Variants in SPATC1 observed in about 807,000 individuals in gnomAD.
SPATC1 encodes the protein speriolin.
In SPATC1, 35 loss-of-function variants were observed where a neutral mutation model predicts 36.5. The observed-to-expected ratio is 0.96, with a 90% confidence interval of 0.73 to 1.27. The LOEUF (loss-of-function observed/expected upper bound fraction) is 1.27, where lower values mean the gene tolerates loss of function less well. Among genes scored for constraint, SPATC1 ranks in the 50% most tolerant of loss-of-function variants. The pLI is 0.00. For synonymous variants in SPATC1, 361 were observed against 353.6 expected, an observed-to-expected ratio of 1.02 and a Z score of -0.24; for missense variants, 779 against 796.0, an observed-to-expected ratio of 0.98 and a Z score of 0.26.
intron 1 of SPATC1, among the ~76,000 whole-genome samples, chr8:144,033,787 A>G: frequency 6.6e-6 from 1 of 152,144 alleles, no homozygotes; most frequent in East Asian, 1.9e-4. Flanking sequence ...GTTTTATGCT[A>G]ACATTGGCTT....
At position 144,012,716 on chromosome 8, in the gene SPATC1, C is replaced by G; in HGVS notation, c.201C>G (p.Arg67=). ...AGGCAACAGCAGGCCTTTCCTCACG[C>G]CAGAACAATGGTAAGAGGCCTCGCT... ...LGEATAGLSS[R]QNNGVFLPPS... Residue 67 remains arginine (R), a synonymous_variant, in exon 1 of 5, where the codon CGC becomes CGG. Transcript: ENST00000377470. The G allele has an allele frequency of 6.4e-7, 1 of 1,551,646 alleles. No homozygotes were observed. Among genetic ancestry groups the G allele is most frequent in the Non-Finnish European group, 8.7e-7 (1 of 1,146,974 alleles).
chr8:144,013,699 T>TA (rs1453165544), intron 1 of SPATC1, among the ~76,000 whole-genome samples: 1 of 152,170 alleles, frequency 6.6e-6, no homozygotes, highest in African/African-American at 2.4e-5. Flanking sequence ...CTCACACCTA[T>TA]AATCCCAGCA....
At chr8:144,037,643 T>G (rs1834939244) in intron 1 of SPATC1, among the ~76,000 whole-genome samples, 1 of 151,772 alleles carries the variant, frequency 6.6e-6, no homozygotes, top group African/African-American at 2.4e-5. Context: ...CTCCCTAATC[T>G]CAAGTACCCA....
intron 1 of SPATC1, among the ~76,000 whole-genome samples, chr8:144,017,865 G>A (rs987434568): frequency 3.3e-5 from 5 of 152,182 alleles, no homozygotes; most frequent in Admixed American, 3.3e-4. Flanking sequence ...AAGAAAATGA[G>A]TTGTATTTTG....
rs938450449 is a variant in SPATC1 at position 144,012,668 on chromosome 8, C to A, written c.153C>A (p.Ser51Arg). 26 of 1,551,718 alleles carry A rather than the reference C, an allele frequency of 1.7e-5. No homozygotes were observed. The highest frequency in any genetic ancestry group is 2.3e-5 in the Non-Finnish European group (26 of 1,146,990). ...CTCAGGCAGGCGGGCTCGGCATCAG[C>A]GGGTTCACGAGTGGGCTTGGTGAGG... ...IKTQAGGLGI[S>R]GFTSGLGEAT... Residue 51 changes from serine (S) to arginine (R), a missense_variant, in exon 1 of 5, where the codon AGC (serine) becomes AGA (arginine). By Grantham distance (110) the Ser-to-Arg change is moderately radical. Coordinates refer to ENST00000377470, the MANE Select transcript of SPATC1 (RefSeq NM_198572.3).
rs916160710 is a variant in SPATC1, at chr8:144,046,336, C to G, written c.1447-291C>G. On this transcript the variant is annotated intron_variant, in intron 4 of 4. Transcript: ENST00000377470. The surrounding 1 kb of genome is among the most constrained non-coding windows in gnomAD (Gnocchi z 6.6). ...AGCCCAGTTGCACTCCCTGGTGGTGCGTGGAGCAGACGACAGGGTTGGGGC... is the reference window on the plus strand; with the variant it reads ...AGCCCAGTTGCACTCCCTGGTGGTGGGTGGAGCAGACGACAGGGTTGGGGC... Among the ~76,000 whole-genome samples, 2 of 152,108 alleles carry G rather than the reference C, an allele frequency of 1.3e-5. No individual in the cohort carries two copies. Among genetic ancestry groups the G allele is most frequent in the South Asian group, 4.1e-4 (2 of 4,824 alleles).
intron 1 of SPATC1, among the ~76,000 whole-genome samples, chr8:144,023,193 A>C (rs1834583832): frequency 9.9e-6 from 1 of 101,156 alleles, no homozygotes; most frequent in Non-Finnish European, 2.1e-5. Flanking sequence ...CTCAGGACCT[A>C]CCCTCTCCCC....
chr8:144,015,206 A>ATT (rs202062443), intron 1 of SPATC1, among the ~76,000 whole-genome samples: 6,167 of 141,388 alleles, frequency 0.044, 141 homozygotes, highest in African/African-American at 0.056. Context: ...CTCCTGGCTA[A>ATT]TTTTTTTTTT....
intron 1 of SPATC1, among the ~76,000 whole-genome samples, chr8:144,033,154 G>C (rs1834831720): frequency 6.6e-6 from 1 of 151,988 alleles, no homozygotes; most frequent in Non-Finnish European, 1.5e-5. Flanking sequence ...CCAGCACTTT[G>C]AGAGACCGTG....
rs1266924470 is a variant in SPATC1, at chr8:144,040,859, GC to G, written c.1059del (p.Ser353ArgfsTer63). 1 of 1,558,590 alleles carries G rather than the reference GC, an allele frequency of 6.4e-7. No homozygotes were observed. The highest frequency in any genetic ancestry group is 8.7e-7 in the Non-Finnish European group (1 of 1,153,794). ...GTTGCCACCAGCTACACACCCTCAAGCACCACCCACATCGCCCAGGGTGCCC... is the reference window on the plus strand; with the variant it reads ...GTTGCCACCAGCTACACACCCTCAAGACCACCCACATCGCCCAGGGTGCCC... Reference protein sequence around the residue: ...PQVATSYTPSSTTHIAQGAPH... With the variant: ...PQVATSYTPSXTTHIAQGAPH... On this transcript the variant is annotated frameshift_variant, in exon 3 of 5. Coordinates refer to ENST00000377470, the MANE Select transcript of SPATC1 (RefSeq NM_198572.3). LOFTEE classifies it high-confidence loss of function.
intron 1 of SPATC1, among the ~76,000 whole-genome samples, chr8:144,028,189 A>G (rs1319785954): frequency 6.6e-6 from 1 of 152,174 alleles, no homozygotes; most frequent in Non-Finnish European, 1.5e-5. Context: ...TTGCAACAAA[A>G]GCAAAAATTG....
Position 144,045,107 on chromosome 8 carries a change from C to T in SPATC1, c.1447-1520C>T, listed in dbSNP as rs782407011. Among the ~76,000 whole-genome samples, 18 of 152,218 alleles carry T rather than the reference C, an allele frequency of 1.2e-4. No individual in the cohort carries two copies. The highest frequency in any genetic ancestry group is 2.5e-4 in the Non-Finnish European group (17 of 68,032). On this transcript the variant is annotated intron_variant, in intron 4 of 4. Transcript: ENST00000377470. The surrounding 1 kb of genome is among the most constrained non-coding windows in gnomAD (Gnocchi z 5.2). ...TGCAGGAGGCACTGTGATTTCCTTC[C>T]CATCCCAGCAGGGAAACTGAGGCTC...
rs1293167804 is a variant in SPATC1, at chr8:144,040,196, C to T, written c.499C>T (p.Pro167Ser). ...LGLPSTGTLT[P>S]SSLVAGPVAM... ...CCTGCCCTCCACTGGCACCCTGACTCCCAGCAGCCTCGTGGCAGGCCCTGT... is the reference window on the plus strand; with the variant it reads ...CCTGCCCTCCACTGGCACCCTGACTTCCAGCAGCCTCGTGGCAGGCCCTGT... Residue 167 changes from proline (P) to serine (S), a missense_variant, in exon 2 of 5, where the codon CCC (proline) becomes TCC (serine). Physicochemically the swap from Pro to Ser is moderately conservative, Grantham distance 74. Coordinates refer to ENST00000377470, the MANE Select transcript of SPATC1 (RefSeq NM_198572.3). 6.2e-7 allele frequency: 1 copy of T among 1,612,408 alleles called. No homozygotes were observed. The highest frequency in any genetic ancestry group is 1.1e-5 in the South Asian group (1 of 90,928).
At chr8:144,023,572 C>T (rs1350988445) in intron 1 of SPATC1, among the ~76,000 whole-genome samples, 2 of 127,662 alleles carry the variant, frequency 1.6e-5, no homozygotes, top group African/African-American at 3.0e-5. Context: ...TTTCCCCTCA[C>T]GACCTTTCCT....
upstream of SPATC1, among the ~76,000 whole-genome samples, chr8:144,011,650 G>A (rs1255109446): frequency 6.6e-6 from 1 of 152,178 alleles, no homozygotes; most frequent in African/African-American, 2.4e-5. This position sits in a 1 kb window ranked among gnomAD's most constrained non-coding sequence, Gnocchi z 4.5. Flanking sequence ...CATGAGGACT[G>A]AGTCCTGAGT....
At chr8:144,042,104 C>T (rs1835117570) in intron 4 of SPATC1, 1 of 701,332 alleles carries the variant, frequency 1.4e-6, no homozygotes, top group Non-Finnish European at 1.8e-6. Flanking sequence ...GTGTATGTAC[C>T]CAGCTCACTG....
intron 1 of SPATC1, among the ~76,000 whole-genome samples, chr8:144,029,460 G>A (rs1004950219): frequency 3.9e-5 from 6 of 152,064 alleles, no homozygotes; most frequent in East Asian, 1.9e-4. Flanking sequence ...CCAGCTACTC[G>A]GGAGGCTGAG....
At chr8:144,044,201 G>C (rs782771914) in intron 4 of SPATC1, among the ~76,000 whole-genome samples, 10 of 152,110 alleles carry the variant, frequency 6.6e-5, no homozygotes, top group African/African-American at 1.2e-4. Context: ...TCTGGGAACA[G>C]GGGAGCAGAG....
At chr8:144,014,200 G>A (rs563589408) in intron 1 of SPATC1, among the ~76,000 whole-genome samples, 2 of 152,096 alleles carry the variant, frequency 1.3e-5, no homozygotes, top group South Asian at 4.2e-4. Flanking sequence ...GCAGTGAGCC[G>A]AGGTTGCGCC....
Sources: allele counts gnomAD v4.1 joint callset (sites outside exome capture counted in the v4.1 genomes callset), GRCh38; gene constraint gnomAD v4.1.1; non-coding constraint Gnocchi (gnomAD v3.1); transcripts MANE v1.5; gene names NCBI Gene and HGNC (gene_info 2026-07-23, HGNC 2026-07-21).